The following TENT2 variants were observed in gnomAD, a reference collection of about 807,000 sequenced individuals.
TENT2 encodes terminal nucleotidyltransferase 2, also known as poly(A) RNA polymerase GLD2.
In TENT2, 44 loss-of-function variants were observed where a neutral mutation model predicts 72.2. That is an observed-to-expected ratio of 0.61 (90% confidence interval 0.48 to 0.78). The LOEUF (loss-of-function observed/expected upper bound fraction) is 0.78, where lower values mean the gene tolerates loss of function less well. Among genes scored for constraint, TENT2 ranks in the 30% least tolerant of loss-of-function variants. TENT2 has a pLI of 0.00. For missense variants in TENT2, 541 were observed against 569.6 expected (o/e 0.95, Z 0.51); for synonymous variants, 212 against 192.5 (o/e 1.10, Z -0.84).
chr5:79,664,803 A>G (rs755154571), intron 11 of TENT2, among the ~76,000 whole-genome samples: 1 of 152,190 alleles, frequency 6.6e-6, no homozygotes, highest in Non-Finnish European at 1.5e-5. Flanking sequence ...TAAACAGTTA[A>G]TAAATCCTTA....
chr5:79,653,444 G>A (rs1016827076), intron 10 of TENT2, among the ~76,000 whole-genome samples: 1 of 152,180 alleles, frequency 6.6e-6, no homozygotes, highest in African/African-American at 2.4e-5. Flanking sequence ...AGTAAGCTAT[G>A]ATTATGCCAC....
chr5:79,677,842 C>T (rs1818402974), intron 12 of TENT2, among the ~76,000 whole-genome samples: 2 of 152,138 alleles, frequency 1.3e-5, no homozygotes, highest in Admixed American at 6.5e-5. Flanking sequence ...CTTTGTCAGT[C>T]AGGCTGGAGT....
chr5:79,634,521 T>G (rs1778504809), intron 4 of TENT2, among the ~76,000 whole-genome samples: 1 of 151,986 alleles, frequency 6.6e-6, no homozygotes, highest in African/African-American at 2.4e-5. Context: ...GTATTTTTAG[T>G]AGAGATGGGG....
At chr5:79,664,601 A>G (rs1464574162) in intron 11 of TENT2, among the ~76,000 whole-genome samples, 1 of 151,984 alleles carries the variant, frequency 6.6e-6, no homozygotes, top group African/African-American at 2.4e-5. Flanking sequence ...TCTCAAAAAA[A>G]AAAAAAAAAG....
At chr5:79,646,014 T>C (rs900493412) in intron 8 of TENT2, among the ~76,000 whole-genome samples, 8 of 152,224 alleles carry the variant, frequency 5.3e-5, no homozygotes, top group African/African-American at 1.9e-4. Flanking sequence ...CCCAATACCA[T>C]GTTTCCAGCT....
At chr5:79,622,209 G>A (rs1275468449) in intron 3 of TENT2, among the ~76,000 whole-genome samples, 1 of 152,122 alleles carries the variant, frequency 6.6e-6, no homozygotes, top group East Asian at 1.9e-4. Flanking sequence ...GCTGAGGCAG[G>A]AGAATACCTG....
chr5:79,669,153 C>T, intron 12 of TENT2, 125 bp downstream of exon 12: 2 of 1,198,354 alleles, frequency 1.7e-6, no homozygotes, highest in Middle Eastern at 5.9e-4. Flanking sequence ...TTTGTCACTT[C>T]CAGTGTTGTA....
intron 7 of TENT2, chr5:79,644,824 A>C: frequency 8.3e-5 from 18 of 217,224 alleles, no homozygotes; most frequent in East Asian, 3.9e-4. Context: ...AAAATTAGCT[A>C]TTCCCTCTGC....
At chr5:79,668,036 A>G (rs1809849271) in intron 11 of TENT2, among the ~76,000 whole-genome samples, 1 of 151,048 alleles carries the variant, frequency 6.6e-6, no homozygotes, top group African/African-American at 2.4e-5. Context: ...ACCTTGCATT[A>G]TTTTCTAATT....
rs1361904418 is a variant in TENT2 at position 79,619,784 on chromosome 5, G to T, written c.136G>T (p.Asp46Tyr). The change falls in exon 2 of 15, where the codon GAC becomes TAC. Residue 46 changes from aspartate (D) to tyrosine (Y), a missense_variant and splice_region_variant. By Grantham distance (160) the Asp-to-Tyr change is radical. Transcript: ENST00000453514. Reference protein sequence around the residue: ...IDAQFNFQNADLSRAVSLQQL... With the variant: ...IDAQFNFQNAYLSRAVSLQQL... ...TGCACAATTCAACTTTCAGAATGCA[G>T]AGTGAGTATGGTGATATTTTGGCCC... 6.2e-7 allele frequency: 1 copy of T among 1,612,348 alleles called. No individual in the cohort carries two copies. The highest frequency in any genetic ancestry group is 1.3e-5 in the African/African-American group (1 of 74,848).
At chr5:79,647,269 G>T (rs7737942) in intron 8 of TENT2, among the ~76,000 whole-genome samples, 67,003 of 152,004 alleles carry the variant, frequency 0.44, 17,837 homozygotes, top group African/African-American at 0.74. Context: ...GTGCATAAAT[G>T]CTTTCCATAT....
intron 12 of TENT2, 36 bp downstream of exon 12, chr5:79,669,064 ATG>A (rs36079132): frequency 9.8e-4 from 1,545 of 1,578,958 alleles, no homozygotes; most frequent in South Asian, 1.4e-3. Context: ...GTTCACTTAT[ATG>A]TGTGTGTGTG....
At chr5:79,670,134 G>T (rs909924031) in intron 12 of TENT2, among the ~76,000 whole-genome samples, 26 of 151,338 alleles carry the variant, frequency 1.7e-4, no homozygotes, top group African/African-American at 5.8e-4. Context: ...CAGGAGAAAC[G>T]CTTGAACCTG....
At position 79,645,182 on chromosome 5, in the gene TENT2, G is replaced by A; in HGVS notation, c.811G>A (p.Asp271Asn). 1 of 1,605,884 alleles carries A rather than the reference G, an allele frequency of 6.2e-7. No homozygotes were observed. The highest frequency in any genetic ancestry group is 8.5e-7 in the Non-Finnish European group (1 of 1,176,502). ...AAAAGTGCCAATTGTGAAGTTCAGG[G>A]ATAAAGTCAGGTAAATAATTAATGA... ...RAKVPIVKFR[D>N]KVSCVEFDLN... The change falls in exon 8 of 15, where the codon GAT becomes AAT. Residue 271 changes from aspartate (D) to asparagine (N), a missense_variant. Transcript: ENST00000453514.
chr5:79,685,329 A>G lies in TENT2; in HGVS notation c.*56A>G. On this transcript the variant is annotated 3_prime_UTR_variant, in exon 15 of 15. Coordinates refer to ENST00000453514, the MANE Select transcript of TENT2 (RefSeq NM_001114394.3). ...AGAAATAAAGAACAATAGTTTCATC[A>G]TAATACATTATGTTTACCTCCATCA... 2 of 1,278,724 alleles carry G rather than the reference A, an allele frequency of 1.6e-6. No individual in the cohort carries two copies. Among genetic ancestry groups the G allele is most frequent in the Non-Finnish European group, 2.2e-6 (2 of 913,636 alleles). The allele number at this position is 1,278,724 out of a possible 1,614,324, so 79.2% of individuals were successfully genotyped here.
intron 11 of TENT2, 64 bp from the exon 12 acceptor site, chr5:79,668,828 T>A: frequency 6.7e-7 from 1 of 1,503,698 alleles, no homozygotes; most frequent in Non-Finnish European, 8.9e-7. Flanking sequence ...GTTCAGGATT[T>A]ATAAAGTTTC....
chr5:79,663,685 A>G (rs1580550064), intron 11 of TENT2, among the ~76,000 whole-genome samples: 1 of 152,196 alleles, frequency 6.6e-6, no homozygotes, highest in Admixed American at 6.5e-5. Context: ...ATCAAATATT[A>G]CTGATCACAG....
At chr5:79,659,169 G>A (rs1038595349) in intron 11 of TENT2, among the ~76,000 whole-genome samples, 2 of 151,864 alleles carry the variant, frequency 1.3e-5, no homozygotes, top group African/African-American at 2.4e-5. Context: ...TATGAAACCT[G>A]TAGGCTGGTC....
chr5:79,687,906 G>C lies in TENT2; in HGVS notation c.*2633G>C, dbSNP rs190446609. On this transcript the variant is annotated 3_prime_UTR_variant, in exon 15 of 15. Coordinates refer to ENST00000453514, the MANE Select transcript of TENT2 (RefSeq NM_001114394.3). ...CTGTGATTTTGATTAGTGTTTAACAGATTGCCACAGCTGTGATTGAATTCC... is the reference window on the plus strand; with the variant it reads ...CTGTGATTTTGATTAGTGTTTAACACATTGCCACAGCTGTGATTGAATTCC... Among the ~76,000 whole-genome samples the C allele has an allele frequency of 5.9e-5, 9 of 152,318 alleles. No homozygotes were observed. The highest frequency in any genetic ancestry group is 1.3e-4 in the Non-Finnish European group (9 of 68,014).
Sources: allele counts gnomAD v4.1 joint callset (sites outside exome capture counted in the v4.1 genomes callset), GRCh38; gene constraint gnomAD v4.1.1; transcripts MANE v1.5; gene names NCBI Gene and HGNC (gene_info 2026-07-23, HGNC 2026-07-21).